Variants in MAGI1 observed in about 807,000 individuals in gnomAD.
MAGI1 encodes membrane associated guanylate kinase, WW and PDZ domain containing 1, also known as membrane-associated guanylate kinase, WW and PDZ domain-containing protein 1.
MAGI1 carries 58 observed loss-of-function variants against 139.9 expected under a neutral mutation model. The observed-to-expected ratio is 0.41, with a 90% CI of 0.34 to 0.52. The LOEUF is 0.52. Ranked by LOEUF, MAGI1 falls within the 20% of genes least tolerant of loss-of-function variation. MAGI1 has a pLI of 0.12. For missense variants in MAGI1, 1,874 were observed against 1,901.6 expected, an observed-to-expected ratio of 0.99 and a Z score of 0.27; for synonymous variants, 812 against 737.9, an observed-to-expected ratio of 1.10 and a Z score of -1.63.
intron 2 of MAGI1, among the ~76,000 whole-genome samples, chr3:65,502,986 G>A (rs2077142571): frequency 1.3e-5 from 2 of 152,114 alleles, no homozygotes; most frequent in South Asian, 4.1e-4. Context: ...AGATGAGACA[G>A]CTATGTAGAC....
intron 1 of MAGI1, among the ~76,000 whole-genome samples, chr3:65,743,458 A>G (rs1370457727): frequency 6.6e-6 from 1 of 152,198 alleles, no homozygotes; most frequent in Non-Finnish European, 1.5e-5. Flanking sequence ...CTGTAATCCC[A>G]GAACTCTGGG....
At chr3:65,864,700 C>T (rs2059662883) in intron 1 of MAGI1, among the ~76,000 whole-genome samples, 1 of 152,200 alleles carries the variant, frequency 6.6e-6, no homozygotes, top group Non-Finnish European at 1.5e-5. Context: ...AACTCTGCCA[C>T]CTGCCTCCAG....
chr3:65,826,107 A>C (rs955028312), intron 1 of MAGI1, among the ~76,000 whole-genome samples: 1 of 152,108 alleles, frequency 6.6e-6, no homozygotes, highest in Non-Finnish European at 1.5e-5. Context: ...ATATACATGC[A>C]TGGTATACAC....
intron 12 of MAGI1, among the ~76,000 whole-genome samples, chr3:65,413,667 C>A (rs770407940): frequency 6.6e-6 from 1 of 152,102 alleles, no homozygotes; most frequent in Admixed American, 6.6e-5. Context: ...GGGCAGGAGA[C>A]GCTTGGGCTT....
chr3:65,762,453 G>A (rs2037113543), intron 1 of MAGI1, among the ~76,000 whole-genome samples: 1 of 151,440 alleles, frequency 6.6e-6, no homozygotes, highest in Non-Finnish European at 1.5e-5. Flanking sequence ...GAATGGGAAG[G>A]CGGAAAAAAA....
chr3:65,989,777 A>C (rs949089692), intron 1 of MAGI1, among the ~76,000 whole-genome samples: 1 of 152,242 alleles, frequency 6.6e-6, no homozygotes, highest in East Asian at 1.9e-4. Flanking sequence ...GCCTCAAGTG[A>C]CCCGCCCACC....
At position 65,356,851 on chromosome 3, in the gene MAGI1, C is replaced by A. The variant is rs1172035193; in HGVS notation, c.3916G>T (p.Asp1306Tyr). 6.2e-7 allele frequency: 1 copy of A among 1,613,912 alleles called. No homozygotes were observed. Among genetic ancestry groups the A allele is most frequent in the Admixed American group, 1.7e-5 (1 of 60,010 alleles). Residue 1306 changes from aspartate (D) to tyrosine (Y), a missense_variant, in exon 23 of 23, where the codon GAC becomes TAC. Around this residue, in one of 5 missense-constraint regions of MAGI1, gnomAD observed 653 missense variants for 644.5 expected, o/e 1.01. Transcript: ENST00000402939. ...PKDRAPEGRRDAQAERAAAAN... is the reference protein window; with the variant it reads ...PKDRAPEGRRYAQAERAAAAN... Reference sequence around the variant, plus strand: ...GCTGCCGCGCGCTCGGCCTGCGCGTCCCTCCGTCCCTCCGGCGCCCGGTCC... The same window carrying A: ...GCTGCCGCGCGCTCGGCCTGCGCGTACCTCCGTCCCTCCGGCGCCCGGTCC...
At chr3:65,430,386 A>T (rs1454256917) in intron 11 of MAGI1, among the ~76,000 whole-genome samples, 1 of 152,156 alleles carries the variant, frequency 6.6e-6, no homozygotes, top group Non-Finnish European at 1.5e-5. Context: ...CCTAAAAAAA[A>T]ATCTCACTGC....
At chr3:65,685,169 T>C (rs574732041) in intron 1 of MAGI1, among the ~76,000 whole-genome samples, 1 of 152,006 alleles carries the variant, frequency 6.6e-6, no homozygotes, top group African/African-American at 2.4e-5. Flanking sequence ...ATCTCAAAAT[T>C]TTCCATTAAT....
intron 1 of MAGI1, among the ~76,000 whole-genome samples, chr3:65,840,095 G>C (rs1181303949): frequency 6.6e-6 from 1 of 151,482 alleles, no homozygotes; most frequent in East Asian, 1.9e-4. Context: ...ATTGATTTTT[G>C]TAAGCTTATC....
intron 2 of MAGI1, among the ~76,000 whole-genome samples, chr3:65,549,740 G>A (rs896790336): frequency 3.3e-5 from 5 of 152,076 alleles, no homozygotes; most frequent in African/African-American, 1.2e-4. Flanking sequence ...ACCCACTAGG[G>A]GAAGGGAGTC....
At chr3:66,002,771 C>G (rs9872252) in intron 1 of MAGI1, among the ~76,000 whole-genome samples, 1,671 of 152,308 alleles carry the variant, frequency 0.011, 28 homozygotes, top group African/African-American at 0.038. Flanking sequence ...CCACCTCAGC[C>G]TCCCAAAGTG....
At chr3:65,415,176 C>T (rs1019087108) in intron 12 of MAGI1, among the ~76,000 whole-genome samples, 16 of 152,136 alleles carry the variant, frequency 1.1e-4, no homozygotes, top group African/African-American at 3.9e-4. Context: ...CCAAAAGGAA[C>T]ACATCTCCTA....
At position 65,706,656 on chromosome 3, in the gene MAGI1, G is replaced by C. The variant is rs1168018168; in HGVS notation, c.314-84568C>G. Reference sequence around the variant, plus strand: ...TAAGGAGGATCCAGACAGGGGATGAGAAGGGAAAGAGATGTGGAGGGGAAA... The same window carrying C: ...TAAGGAGGATCCAGACAGGGGATGACAAGGGAAAGAGATGTGGAGGGGAAA... On this transcript the variant is annotated intron_variant, in intron 1 of 22. Coordinates refer to ENST00000402939, the MANE Select transcript of MAGI1 (RefSeq NM_001033057.2). 4.6e-5 allele frequency among the ~76,000 whole-genome samples: 7 copies of C among 152,276 alleles called. No individual in the cohort carries two copies. In the East Asian group the frequency reaches 1.4e-3, roughly 29 times the overall value.
chr3:65,933,660 T>C (rs1423787737), intron 1 of MAGI1, among the ~76,000 whole-genome samples: 1 of 151,880 alleles, frequency 6.6e-6, no homozygotes, highest in Non-Finnish European at 1.5e-5. Flanking sequence ...AGAGGAGGGG[T>C]CTTGGAGGCT....
At chr3:65,562,136 A>G (rs1302059166) in intron 2 of MAGI1, among the ~76,000 whole-genome samples, 1 of 152,126 alleles carries the variant, frequency 6.6e-6, no homozygotes, top group Non-Finnish European at 1.5e-5. Context: ...AGGAATAAAC[A>G]GAGTATATAT....
chr3:65,715,315 C>T (rs1449305355), intron 1 of MAGI1, among the ~76,000 whole-genome samples: 1 of 152,024 alleles, frequency 6.6e-6, no homozygotes, highest in Non-Finnish European at 1.5e-5. Context: ...TTTCTTGGTC[C>T]CCTTATAGCA....
At chr3:65,477,349 A>T (rs1278984772) in intron 4 of MAGI1, among the ~76,000 whole-genome samples, 1 of 152,220 alleles carries the variant, frequency 6.6e-6, no homozygotes, top group East Asian at 1.9e-4. Context: ...AGCACAGGGG[A>T]AAACAGTCCA....
chr3:65,621,003 T>C (rs1423163862), intron 2 of MAGI1, among the ~76,000 whole-genome samples: 1 of 128,728 alleles, frequency 7.8e-6, no homozygotes, highest in Non-Finnish European at 1.7e-5. Flanking sequence ...CACTCTAGCA[T>C]ATCATTTGCA....
Sources: gnomAD v4.1 joint callset for allele counts (sites outside exome capture counted in the v4.1 genomes callset) on GRCh38, gnomAD v4.1.1 for gene constraint, gnomAD v4.1.1 regional missense constraint, MANE v1.5 for transcripts, NCBI Gene and HGNC (gene_info 2026-07-23, HGNC 2026-07-21) for gene names.